The following RANBP2 variants were observed in gnomAD, a reference collection of about 807,000 sequenced individuals.
RANBP2 encodes the protein RAN binding protein 2.
In RANBP2, 57 loss-of-function variants were observed where a neutral mutation model predicts 303.6. The ratio of observed to expected loss-of-function variants is 0.19; its 90% CI spans 0.15 to 0.23. The LOEUF is 0.23. Among genes scored for constraint, RANBP2 ranks in the 10% least tolerant of loss-of-function variants. The probability of loss-of-function intolerance (pLI) is 1.00; values close to 1 mark genes in which losing one functional copy is unlikely to be tolerated. For synonymous variants in RANBP2, 1,167 were observed against 1,301.5 expected, an observed-to-expected ratio of 0.90 and a Z score of 2.23; for missense variants, 3,138 against 3,780.8, an observed-to-expected ratio of 0.83 and a Z score of 4.46.
the RANBP2 span, among the ~76,000 whole-genome samples, chr2:109,652,562 A>AC: frequency 6.6e-6 from 1 of 151,908 alleles, no homozygotes; most frequent in African/African-American, 2.4e-5. Context: ...TGACCAAGGG[A>AC]CCCCTACACA....
the RANBP2 span, among the ~76,000 whole-genome samples, chr2:109,524,461 AAAAAAC>A: frequency 0.067 from 4,633 of 69,556 alleles, 248 homozygotes; most frequent in African/African-American, 0.18. Context: ...AAAAAAAAAA[AAAAAAC>A]AAAACAACAC....
the RANBP2 span, among the ~76,000 whole-genome samples, chr2:109,057,863 C>T: frequency 1.3e-5 from 2 of 152,230 alleles, no homozygotes; most frequent in Non-Finnish European, 2.9e-5. Flanking sequence ...GTCTGCCTGG[C>T]TGGCTCCTGG....
chr2:108,898,091 A>G, the RANBP2 span, among the ~76,000 whole-genome samples: 5 of 152,212 alleles, frequency 3.3e-5, no homozygotes, highest in Non-Finnish European at 4.4e-5. Flanking sequence ...AGAGCAGCCT[A>G]GCAAGCATAA....
chr2:108,883,242 C>G, the RANBP2 span: 2 of 152,162 alleles, frequency 1.3e-5, no homozygotes, highest in Non-Finnish European at 2.9e-5. Context: ...TATTTCATGG[C>G]AAATCTGTAG....
At chr2:108,933,461 C>A in the RANBP2 span, among the ~76,000 whole-genome samples, 2 of 152,140 alleles carry the variant, frequency 1.3e-5, no homozygotes, top group African/African-American at 4.8e-5. Flanking sequence ...GGGTCACTGG[C>A]AAAGCACAGC....
At chr2:109,614,876 A>T in the RANBP2 span, 18 of 1,425,404 alleles carry the variant, frequency 1.3e-5, no homozygotes, top group African/African-American at 1.8e-4. Flanking sequence ...CGCTCCCTGG[A>T]CAGGGCCGCG....
chr2:109,596,763 T>C, the RANBP2 span, among the ~76,000 whole-genome samples: 2 of 152,228 alleles, frequency 1.3e-5, no homozygotes, highest in East Asian at 1.9e-4. Flanking sequence ...TTTCTGAACA[T>C]TGGCCAAAAA....
chr2:109,146,032 CGGAGTCCATGCGGGCCGAG>C, the RANBP2 span, among the ~76,000 whole-genome samples: 11,018 of 152,134 alleles, frequency 0.072, 1,287 homozygotes, highest in African/African-American at 0.24. Context: ...TGTGGGCCGA[CGGAGTCCATGCGGGCCGAG>C]GGAGTCCATG....
At chr2:109,500,785 CA>C in the RANBP2 span, among the ~76,000 whole-genome samples, 15 of 151,116 alleles carry the variant, frequency 9.9e-5, no homozygotes, top group East Asian at 1.6e-3. Context: ...CCCATCTCTA[CA>C]AAAAAAAATT....
At chr2:109,522,603 C>CTTTTTTTT in the RANBP2 span, among the ~76,000 whole-genome samples, 7,828 of 149,524 alleles carry the variant, frequency 0.052, 721 homozygotes, top group African/African-American at 0.18. Flanking sequence ...CGTGCCCAGC[C>CTTTTTTTT]TTTTTTTTTC....
the RANBP2 span, among the ~76,000 whole-genome samples, chr2:109,517,605 A>G: frequency 0.085 from 12,906 of 152,150 alleles, 1,029 homozygotes; most frequent in East Asian, 0.24. Flanking sequence ...TGGCCCCTTC[A>G]CAGCTCAGCA....
chr2:109,129,409 G>A, the RANBP2 span: 1 of 1,435,726 alleles, frequency 7.0e-7, no homozygotes, highest in Non-Finnish European at 9.3e-7. Flanking sequence ...CCTAGCATCG[G>A]GCCACCAGCC....
the RANBP2 span, among the ~76,000 whole-genome samples, chr2:109,068,031 C>T: frequency 6.6e-6 from 1 of 152,228 alleles, no homozygotes; most frequent in African/African-American, 2.4e-5. Flanking sequence ...TGCCTGCTCA[C>T]ATGCTCCCCT....
At chr2:109,001,982 G>A in the RANBP2 span, among the ~76,000 whole-genome samples, 7 of 151,968 alleles carry the variant, frequency 4.6e-5, no homozygotes, top group African/African-American at 1.5e-4. Flanking sequence ...CGCCCGCCTC[G>A]GCCTCCCAAA....
chr2:109,086,443 G>A, the RANBP2 span, among the ~76,000 whole-genome samples: 1 of 152,192 alleles, frequency 6.6e-6, no homozygotes, highest in Non-Finnish European at 1.5e-5. Context: ...CCAAGGATTG[G>A]TGGGGGTCTC....
the RANBP2 span, among the ~76,000 whole-genome samples, chr2:109,716,445 T>C: frequency 6.6e-6 from 1 of 151,854 alleles, no homozygotes; most frequent in African/African-American, 2.4e-5. Flanking sequence ...AGAGACCGGG[T>C]TTCACCATCT....
At chr2:109,092,143 T>A in the RANBP2 span, among the ~76,000 whole-genome samples, 1 of 152,090 alleles carries the variant, frequency 6.6e-6, no homozygotes, top group African/African-American at 2.4e-5. Context: ...GTGGAGGGGA[T>A]CTCAGAAGGA....
chr2:108,913,653 T>C, the RANBP2 span, among the ~76,000 whole-genome samples: 1 of 152,158 alleles, frequency 6.6e-6, no homozygotes, highest in South Asian at 2.1e-4. Context: ...AGGCTGGTGA[T>C]AAAAGTGTAT....
the RANBP2 span, among the ~76,000 whole-genome samples, chr2:109,232,629 T>G: frequency 6.6e-6 from 1 of 152,164 alleles, no homozygotes; most frequent in East Asian, 1.9e-4. Flanking sequence ...GTCCATCCCT[T>G]CTTTCTGGAA....
Sources: gnomAD v4.1 joint callset for allele counts (sites outside exome capture counted in the v4.1 genomes callset) on GRCh38, gnomAD v4.1.1 for gene constraint, MANE v1.5 for transcripts, NCBI Gene and HGNC (gene_info 2026-07-23, HGNC 2026-07-21) for gene names.